HGF: variants seen among roughly 807,000 people sequenced by gnomAD.
The protein encoded by HGF is hepatocyte growth factor, also known as fibroblast-derived tumor cytotoxic factor.
In HGF, 39 loss-of-function variants were observed where a neutral mutation model predicts 111.6. The ratio of observed to expected loss-of-function variants is 0.35; its 90% CI spans 0.27 to 0.46. The LOEUF (loss-of-function observed/expected upper bound fraction) is 0.46, where lower values mean the gene tolerates loss of function less well. Among genes scored for constraint, HGF ranks in the 20% least tolerant of loss-of-function variants. The pLI, the probability that HGF is intolerant of heterozygous loss-of-function variation, is 1.00. For missense variants in HGF, 735 were observed against 910.5 expected, an observed-to-expected ratio of 0.81 and a Z score of 2.48; for synonymous variants, 285 against 294.8, an observed-to-expected ratio of 0.97 and a Z score of 0.34.
intron 6 of HGF, 39 bp downstream of exon 6, chr7:81,744,961 T>C (rs768398223): frequency 6.2e-7 from 1 of 1,608,512 alleles, no homozygotes; most frequent in African/African-American, 1.3e-5. Flanking sequence ...TAATAGTTTG[T>C]AAAAGAATCA....
intron 7 of HGF, among the ~76,000 whole-genome samples, chr7:81,735,786 G>T (rs1170417631): frequency 6.6e-6 from 1 of 152,088 alleles, no homozygotes; most frequent in Non-Finnish European, 1.5e-5. Context: ...AGGCTAGGAA[G>T]TTCAAGACCA....
chr7:81,740,345 A>G (rs1476176092), intron 7 of HGF, among the ~76,000 whole-genome samples: 1 of 152,220 alleles, frequency 6.6e-6, no homozygotes, highest in Non-Finnish European at 1.5e-5. Flanking sequence ...AAAAATAATA[A>G]TTAATTATCT....
At chr7:81,755,119 T>A (rs1788695021) in intron 4 of HGF, 1 of 152,080 alleles carries the variant, frequency 6.6e-6, no homozygotes, top group African/African-American at 2.4e-5. Flanking sequence ...TAATGAATGC[T>A]GGGTGGCCAA....
At chr7:81,761,379 C>A in intron 2 of HGF, among the ~76,000 whole-genome samples, 1 of 152,210 alleles carries the variant, frequency 6.6e-6, no homozygotes, top group Non-Finnish European at 1.5e-5. Context: ...TGATAAAGAT[C>A]TTTTCTGACC....
chr7:81,722,349 G>C (rs1271897407), intron 9 of HGF, among the ~76,000 whole-genome samples: 4 of 151,344 alleles, frequency 2.6e-5, no homozygotes, highest in Non-Finnish European at 4.4e-5. Context: ...ATTTTTAGTA[G>C]AGATGGGGTT....
intron 7 of HGF, among the ~76,000 whole-genome samples, chr7:81,741,784 C>T (rs771190152): frequency 6.6e-6 from 1 of 151,550 alleles, no homozygotes; most frequent in South Asian, 2.1e-4. Context: ...ACTAAAAATA[C>T]AAAATTAGCT....
intron 1 of HGF, among the ~76,000 whole-genome samples, chr7:81,765,915 A>G (rs762611355): frequency 6.6e-6 from 1 of 152,198 alleles, no homozygotes; most frequent in Non-Finnish European, 1.5e-5. Flanking sequence ...GCTGAAGTTT[A>G]TAAACAAAAT....
At chr7:81,710,883 T>C (rs1202080506) in intron 12 of HGF, among the ~76,000 whole-genome samples, 1 of 152,186 alleles carries the variant, frequency 6.6e-6, no homozygotes, top group Non-Finnish European at 1.5e-5. Context: ...AGATATCCAT[T>C]TGCTTCCTGA....
chr7:81,762,576 G>T (rs1789140560), intron 2 of HGF, 131 bp downstream of exon 2: 1 of 765,436 alleles, frequency 1.3e-6, no homozygotes, highest in Non-Finnish European at 2.3e-6. Context: ...CGTTTGTAGT[G>T]AGTTAAATCT....
intron 7 of HGF, among the ~76,000 whole-genome samples, chr7:81,731,718 G>A (rs1301243432): frequency 6.6e-6 from 1 of 152,100 alleles, no homozygotes; most frequent in East Asian, 1.9e-4. Context: ...AGTCTTAAAA[G>A]GTGATAACTC....
intron 5 of HGF, 109 bp downstream of exon 5, chr7:81,752,011 G>A (rs1788528162): frequency 5.2e-6 from 8 of 1,534,444 alleles, no homozygotes; most frequent in South Asian, 3.7e-5. Flanking sequence ...GCATTTGCAC[G>A]AACAACATAT....
chr7:81,705,545 T>C lies in HGF; in HGVS notation c.1865-10A>G, dbSNP rs926889688. 31 of 1,611,748 alleles carry C rather than the reference T, an allele frequency of 1.9e-5. No homozygotes were observed. The highest frequency in any genetic ancestry group is 2.0e-5 in the Non-Finnish European group (24 of 1,178,424). ...CCATCATAGTTGATCACTAGATTGATGCAAAAAACATACAATAAGGTGAGA... is the reference window on the plus strand; with the variant it reads ...CCATCATAGTTGATCACTAGATTGACGCAAAAAACATACAATAAGGTGAGA... On this transcript the variant is annotated splice_polypyrimidine_tract_variant and intron_variant, in intron 16 of 17. Transcript: ENST00000222390.
chr7:81,750,435 A>T (rs1788443591), intron 5 of HGF, among the ~76,000 whole-genome samples: 1 of 152,306 alleles, frequency 6.6e-6, no homozygotes, highest in Admixed American at 6.5e-5. Flanking sequence ...TGTGCCATTA[A>T]TACCAACGAG....
intron 1 of HGF, among the ~76,000 whole-genome samples, chr7:81,764,680 T>C (rs772218747): frequency 6.2e-4 from 95 of 152,260 alleles, no homozygotes; most frequent in Non-Finnish European, 1.0e-3. Flanking sequence ...AAAAATGTTA[T>C]AAATACGCAA....
chr7:81,768,339 A>G (rs2116280428), intron 1 of HGF, among the ~76,000 whole-genome samples: 1 of 152,242 alleles, frequency 6.6e-6, no homozygotes, highest in South Asian at 2.1e-4. Context: ...ATTTCAATTT[A>G]AGCTCAAAAT....
At chr7:81,731,476 C>T (rs890302529) in intron 7 of HGF, among the ~76,000 whole-genome samples, 3 of 151,994 alleles carry the variant, frequency 2.0e-5, no homozygotes, top group Non-Finnish European at 4.4e-5. Flanking sequence ...TTAGGAAGAA[C>T]AAAAATTATT....
intron 8 of HGF, among the ~76,000 whole-genome samples, chr7:81,727,048 TG>T (rs370207622): frequency 0.073 from 4,447 of 60,700 alleles, 217 homozygotes; most frequent in African/African-American, 0.19. Context: ...GTTTTTTTTT[TG>T]TTTTTTTTTT....
intron 5 of HGF, chr7:81,751,406 T>C: frequency 3.0e-6 from 3 of 985,380 alleles, no homozygotes; most frequent in Non-Finnish European, 3.6e-6. Context: ...CTCTTCCATC[T>C]TGTCAGCCAT....
chr7:81,745,879 T>A (rs1788223918), intron 5 of HGF, among the ~76,000 whole-genome samples: 1 of 152,188 alleles, frequency 6.6e-6, no homozygotes. Context: ...GCCTCTTATG[T>A]CACACAGAAA....
Sources: gnomAD v4.1 joint callset for allele counts (sites outside exome capture counted in the v4.1 genomes callset) on GRCh38, gnomAD v4.1.1 for gene constraint, MANE v1.5 for transcripts, NCBI Gene and HGNC (gene_info 2026-07-23, HGNC 2026-07-21) for gene names.